TMED3: variants seen among roughly 807,000 people sequenced by gnomAD.
TMED3 encodes the protein transmembrane p24 trafficking protein 3, also known as transmembrane emp24 domain-containing protein 3.
Under a neutral mutation model 15.0 loss-of-function variants are expected in TMED3, and 9 were observed. That is an observed-to-expected ratio of 0.60 (90% CI 0.36 to 1.04). The LOEUF (loss-of-function observed/expected upper bound fraction) is 1.04, where lower values mean the gene tolerates loss of function less well. Among genes scored for constraint, TMED3 ranks in the 50% least tolerant of loss-of-function variants. The probability of loss-of-function intolerance (pLI) is 0.01; values close to 1 mark genes in which losing one functional copy is unlikely to be tolerated. For synonymous variants in TMED3, 117 were observed against 121.4 expected (o/e 0.96, Z 0.24); for missense variants, 267 against 278.9 (o/e 0.96, Z 0.30).
intron 2 of TMED3, among the ~76,000 whole-genome samples, chr15:79,398,399 G>C (rs1289510955): frequency 1.3e-5 from 2 of 151,802 alleles, no homozygotes; most frequent in Non-Finnish European, 2.9e-5. Flanking sequence ...CTGGACTCAA[G>C]TGATCTGCCT....
intron 2 of TMED3, among the ~76,000 whole-genome samples, chr15:79,344,842 G>A (rs1258632604): frequency 6.6e-6 from 1 of 152,182 alleles, no homozygotes; most frequent in African/African-American, 2.4e-5. Context: ...CCAGTGAGAT[G>A]AGGCAGTGTG....
intron 2 of TMED3, among the ~76,000 whole-genome samples, chr15:79,357,797 A>G: frequency 6.6e-6 from 1 of 152,204 alleles, no homozygotes; most frequent in South Asian, 2.1e-4. Context: ...GTTGCAAAGG[A>G]CTGAAAAACT....
At chr15:79,411,728 T>C in exon 3 of TMED3, 1 of 491,748 alleles carries the variant, frequency 2.0e-6, no homozygotes, top group Non-Finnish European at 3.7e-6. Context: ...CCACAGACAC[T>C]TGAGCTGGCA....
chr15:79,407,527 C>T (rs7162521), intron 2 of TMED3, among the ~76,000 whole-genome samples: 60,859 of 152,092 alleles, frequency 0.4, 12,850 homozygotes, highest in Middle Eastern at 0.57. Flanking sequence ...TGAGGGAAGA[C>T]GGGGGCAGAT....
At chr15:79,360,188 G>A (rs1893097735) in intron 2 of TMED3, among the ~76,000 whole-genome samples, 2 of 152,178 alleles carry the variant, frequency 1.3e-5, no homozygotes, top group Admixed American at 6.5e-5. Context: ...TGCAGCAGGT[G>A]CAGGAGGACC....
At chr15:79,346,769 T>G (rs1213058916) in intron 2 of TMED3, among the ~76,000 whole-genome samples, 1 of 152,214 alleles carries the variant, frequency 6.6e-6, no homozygotes, top group African/African-American at 2.4e-5. Flanking sequence ...ATTTATTGAA[T>G]GGGGAATCCT....
downstream of TMED3, among the ~76,000 whole-genome samples, chr15:79,323,318 A>G (rs1263276306): frequency 1.3e-5 from 2 of 152,214 alleles, no homozygotes; most frequent in East Asian, 3.8e-4. Context: ...CAAATCTGAA[A>G]TCCTGCACCG....
In TMED3 at chr15:79,362,931, A is replaced by T. The variant is rs540251710; in HGVS notation, c.418-48469A>T. On this transcript the variant is annotated intron_variant, in intron 2 of 2. Transcript: ENST00000424155. ...TACAAGAATAATTGCAAACATTCTA[A>T]AAACAAAAAAGAGGGATAAGATAAT... 4.3e-4 allele frequency among the ~76,000 whole-genome samples: 65 copies of T among 152,338 alleles called. 1 individual carries two copies. The South Asian group carries it at 0.013, about 31-fold the overall frequency.
intron 2 of TMED3, among the ~76,000 whole-genome samples, chr15:79,340,121 C>T (rs904767630): frequency 4.6e-5 from 7 of 152,142 alleles, no homozygotes; most frequent in Admixed American, 2.6e-4. Flanking sequence ...GTATTGAGCA[C>T]GGTAATTAGC....
chr15:79,380,379 C>CAT (rs1036751016), intron 2 of TMED3, among the ~76,000 whole-genome samples: 21 of 146,888 alleles, frequency 1.4e-4, no homozygotes, highest in South Asian at 1.1e-3. Context: ...GAGTTATACA[C>CAT]ATATATATAT....
At chr15:79,374,504 C>T (rs1420372087) in intron 2 of TMED3, among the ~76,000 whole-genome samples, 1 of 152,092 alleles carries the variant, frequency 6.6e-6, no homozygotes, top group Non-Finnish European at 1.5e-5. Flanking sequence ...CCTTTTCTGC[C>T]TGAGGCAAGA....
chr15:79,353,510 T>TATTTTATAAATTTTATAC (rs2058906408), intron 2 of TMED3, among the ~76,000 whole-genome samples: 1 of 148,882 alleles, frequency 6.7e-6, no homozygotes, highest in African/African-American at 2.5e-5. Context: ...AAATTTTATA[T>TATTTTATAAATTTTATAC]ATTTTCCCAC....
chr15:79,411,594 C>A (rs1006719140), exon 3 of TMED3: 1 of 677,282 alleles, frequency 1.5e-6, no homozygotes. Flanking sequence ...ACAGAGCTAC[C>A]ATGCACTGGG....
intron 2 of TMED3, among the ~76,000 whole-genome samples, chr15:79,349,006 T>C (rs2058881424): frequency 6.6e-6 from 1 of 151,874 alleles, no homozygotes; most frequent in South Asian, 2.1e-4. Flanking sequence ...GCCCACTAGT[T>C]TTTTGATTTT....
exon 3 of TMED3, chr15:79,411,577 C>A: frequency 1.4e-6 from 1 of 692,338 alleles, no homozygotes; most frequent in East Asian, 2.7e-5. Context: ...TGGGAGGAAG[C>A]TGCTGCACAG....
chr15:79,326,716 T>G (rs2058788698), downstream of TMED3, among the ~76,000 whole-genome samples: 1 of 152,170 alleles, frequency 6.6e-6, no homozygotes, highest in African/African-American at 2.4e-5. Flanking sequence ...CACAAGGTGA[T>G]GGTATTAGGA....
At chr15:79,400,589 A>C (rs185013537) in intron 2 of TMED3, among the ~76,000 whole-genome samples, 1 of 152,236 alleles carries the variant, frequency 6.6e-6, no homozygotes, top group Non-Finnish European at 1.5e-5. Context: ...TAGAATGTTC[A>C]CTATTACACC....
chr15:79,311,906 G>A (rs953472538), intron 1 of TMED3, among the ~76,000 whole-genome samples: 1 of 152,238 alleles, frequency 6.6e-6, no homozygotes, highest in African/African-American at 2.4e-5. Context: ...GCAGAAGTGA[G>A]AATGGGCACT....
chr15:79,330,440 A>G (rs1167722012), intron 2 of TMED3, among the ~76,000 whole-genome samples: 1 of 152,202 alleles, frequency 6.6e-6, no homozygotes. Flanking sequence ...TATAATATCT[A>G]TAAAATAAAT....
Sources: allele counts gnomAD v4.1 joint callset (sites outside exome capture counted in the v4.1 genomes callset), GRCh38; gene constraint gnomAD v4.1.1; transcripts MANE v1.5; gene names NCBI Gene and HGNC (gene_info 2026-07-23, HGNC 2026-07-21).